The following HIVEP3 variants were observed in gnomAD, a reference collection of about 807,000 sequenced individuals.
HIVEP3 encodes HIVEP zinc finger 3.
HIVEP3 carries 49 observed loss-of-function variants against 152.8 expected under a neutral mutation model. The ratio of observed to expected loss-of-function variants is 0.32; its 90% CI spans 0.26 to 0.41. HIVEP3 has a LOEUF of 0.41. Among genes scored for constraint, HIVEP3 ranks in the 10% least tolerant of loss-of-function variants. The probability of loss-of-function intolerance (pLI) is 1.00; values close to 1 mark genes in which losing one functional copy is unlikely to be tolerated. For synonymous variants in HIVEP3, 1,269 were observed against 1,289.0 expected (o/e 0.98, Z 0.33); for missense variants, 2,790 against 3,103.3 (o/e 0.90, Z 2.40).
chr1:41,710,985 C>T (rs537366202), intron 1 of HIVEP3, among the ~76,000 whole-genome samples: 44 of 152,228 alleles, frequency 2.9e-4, no homozygotes, highest in Non-Finnish European at 5.0e-4. Flanking sequence ...AACCAGCTTG[C>T]TGAAGGTTGC....
intron 1 of HIVEP3, among the ~76,000 whole-genome samples, chr1:41,857,204 C>T (rs1321328479): frequency 6.6e-6 from 1 of 152,148 alleles, no homozygotes; most frequent in African/African-American, 2.4e-5. Context: ...CAAGAGGCCC[C>T]TCTCCCTGGA....
intron 1 of HIVEP3, among the ~76,000 whole-genome samples, chr1:41,851,343 G>T (rs1350271144): frequency 8.7e-6 from 1 of 115,394 alleles, no homozygotes; most frequent in Admixed American, 1.2e-4. Flanking sequence ...TTGCTCTGTT[G>T]CCAGGCTGGC....
intron 1 of HIVEP3, among the ~76,000 whole-genome samples, chr1:42,030,703 C>T (rs1439579396): frequency 6.6e-6 from 1 of 152,186 alleles, no homozygotes; most frequent in East Asian, 1.9e-4. Context: ...TCACTTACAT[C>T]CTTCACTGCC....
chr1:41,693,255 A>G (rs1646222998), intron 2 of HIVEP3, among the ~76,000 whole-genome samples: 1 of 152,212 alleles, frequency 6.6e-6, no homozygotes, highest in African/African-American at 2.4e-5. Context: ...GAAAGTATCA[A>G]TATATAATCT....
intron 1 of HIVEP3, among the ~76,000 whole-genome samples, chr1:42,024,146 T>G (rs987206060): frequency 4.6e-5 from 7 of 152,234 alleles, no homozygotes; most frequent in Admixed American, 3.3e-4. Flanking sequence ...TATTCTAATT[T>G]GAAATAACTA....
chr1:41,560,846 C>G (rs894364038), intron 5 of HIVEP3, among the ~76,000 whole-genome samples: 3 of 152,210 alleles, frequency 2.0e-5, no homozygotes, highest in African/African-American at 7.2e-5. Context: ...TTCCAGCAAG[C>G]TGATACCCAG....
intron 3 of HIVEP3, among the ~76,000 whole-genome samples, chr1:41,591,527 A>G (rs1644586938): frequency 2.0e-5 from 3 of 152,054 alleles, no homozygotes; most frequent in Non-Finnish European, 4.4e-5. Context: ...CCAGGGCACA[A>G]GCTAGAACTG....
chr1:41,553,593 A>G (rs952473832), intron 5 of HIVEP3, among the ~76,000 whole-genome samples: 7 of 152,188 alleles, frequency 4.6e-5, no homozygotes, highest in Non-Finnish European at 8.8e-5. Context: ...TCTTCCTAGC[A>G]TCGATGGTCT....
At chr1:41,586,951 G>A (rs114096499) in intron 3 of HIVEP3, among the ~76,000 whole-genome samples, 1,922 of 152,170 alleles carry the variant, frequency 0.013, 54 homozygotes, top group African/African-American at 0.043. Context: ...AAAAAGTCAG[G>A]ATTGGTGGGA....
At chr1:41,687,342 C>T (rs1416326755) in intron 2 of HIVEP3, among the ~76,000 whole-genome samples, 1 of 152,224 alleles carries the variant, frequency 6.6e-6, no homozygotes, top group Non-Finnish European at 1.5e-5. Context: ...AATCACTAAA[C>T]TTTAGCTGCC....
chr1:41,685,017 G>A (rs143951048), intron 2 of HIVEP3, among the ~76,000 whole-genome samples: 1 of 152,168 alleles, frequency 6.6e-6, no homozygotes, highest in African/African-American at 2.4e-5. Context: ...TGTGGACAGG[G>A]CCTCTTCTCC....
chr1:41,901,509 C>T (rs893288758), intron 1 of HIVEP3, among the ~76,000 whole-genome samples: 1 of 151,998 alleles, frequency 6.6e-6, no homozygotes, highest in African/African-American at 2.4e-5. Flanking sequence ...GTGGAGGCAG[C>T]AGAGAAGGCT....
chr1:41,893,303 A>C (rs1291433352), intron 1 of HIVEP3, among the ~76,000 whole-genome samples: 1 of 152,140 alleles, frequency 6.6e-6, no homozygotes, highest in East Asian at 1.9e-4. Flanking sequence ...TGGGCTCTGA[A>C]CCCTGGAACT....
Position 41,544,712 on chromosome 1 carries a change from T to C in HIVEP3, c.5208-19802A>G, listed in dbSNP as rs187602144. 5.5e-3 allele frequency among the ~76,000 whole-genome samples: 228 copies of C among 41,216 alleles called. 7 individuals are homozygous for C. The highest frequency in any genetic ancestry group is 0.017 in the African/African-American group (164 of 9,720). 27.0% of individuals were successfully genotyped at this position (41,216 alleles called of 152,430 possible). A position where few individuals can be genotyped will look rare whatever the true frequency, so the allele number is the denominator to read the frequency against. ...CCACTGCTACCATCACCACCACCACTACCACCTGTACCACCACCGCTACCA... is the reference window on the plus strand; with the variant it reads ...CCACTGCTACCATCACCACCACCACCACCACCTGTACCACCACCGCTACCA... On this transcript the variant is annotated intron_variant, in intron 5 of 8. Transcript: ENST00000372583.
At chr1:41,897,701 C>T (rs995541844) in intron 1 of HIVEP3, among the ~76,000 whole-genome samples, 7 of 152,080 alleles carry the variant, frequency 4.6e-5, no homozygotes, top group East Asian at 1.9e-4. Context: ...AAACTGGATT[C>T]GTGCTACAGT....
intron 1 of HIVEP3, among the ~76,000 whole-genome samples, chr1:41,944,305 A>G (rs186432002): frequency 1.3e-5 from 2 of 152,354 alleles, no homozygotes; most frequent in East Asian, 3.9e-4. Flanking sequence ...ATTAAAAACA[A>G]TTTTAACAAG....
rs144177972 is a variant in HIVEP3, at chr1:41,864,554, GTGTAAGTA to G, written c.-801+53851_-801+53858del. 7.7e-4 allele frequency: 117 copies of G among 152,378 alleles called. 1 individual carries two copies. The highest frequency in any genetic ancestry group is 2.8e-3 in the African/African-American group (117 of 41,576). The allele number at this position is 152,378 out of a possible 1,614,324, so 9.4% of individuals were successfully genotyped here. A position where few individuals can be genotyped will look rare whatever the true frequency, so the allele number is the denominator to read the frequency against. On this transcript the variant is annotated intron_variant, in intron 1 of 8. Coordinates refer to ENST00000372583, the MANE Select transcript of HIVEP3 (RefSeq NM_024503.5). ...CTACCCTAACCGGGCACTGGAACAT[GTGTAAGTA>G]GACCACCTGGCTCACCTGTTTCTCT...
chr1:42,000,907 C>T (rs1380585717), intron 1 of HIVEP3, among the ~76,000 whole-genome samples: 1 of 152,286 alleles, frequency 6.6e-6, no homozygotes, highest in East Asian at 1.9e-4. Context: ...AAAATTAGAT[C>T]ATAAATGGAA....
intron 2 of HIVEP3, among the ~76,000 whole-genome samples, chr1:41,681,231 C>T (rs1014104400): frequency 6.6e-6 from 1 of 152,134 alleles, no homozygotes; most frequent in Admixed American, 6.5e-5. Context: ...GTAGCTGGGA[C>T]TACAGGTGTG....
Sources: gnomAD v4.1 joint callset for allele counts (sites outside exome capture counted in the v4.1 genomes callset) on GRCh38, gnomAD v4.1.1 for gene constraint, MANE v1.5 for transcripts, NCBI Gene and HGNC (gene_info 2026-07-23, HGNC 2026-07-21) for gene names.